MAGI2: variants seen among roughly 807,000 people sequenced by gnomAD.
MAGI2 encodes the protein membrane associated guanylate kinase, WW and PDZ domain containing 2.
In MAGI2, 35 loss-of-function variants were observed where a neutral mutation model predicts 133.3. The observed-to-expected ratio is 0.26, with a 90% CI of 0.20 to 0.35. MAGI2 has a LOEUF of 0.35. Among genes scored for constraint, MAGI2 ranks in the 10% least tolerant of loss-of-function variants. MAGI2 has a pLI of 1.00. For missense variants in MAGI2, 1,636 were observed against 1,863.4 expected (o/e 0.88, Z 2.25); for synonymous variants, 729 against 710.6 (o/e 1.03, Z -0.41).
At chr7:78,376,679 T>A (rs1794479384) in intron 6 of MAGI2, among the ~76,000 whole-genome samples, 1 of 152,118 alleles carries the variant, frequency 6.6e-6, no homozygotes, top group Non-Finnish European at 1.5e-5. Context: ...AAATATATAG[T>A]CAATAGTATT....
chr7:79,082,297 C>A (rs1443447062), intron 1 of MAGI2, among the ~76,000 whole-genome samples: 1 of 152,024 alleles, frequency 6.6e-6, no homozygotes, highest in African/African-American at 2.4e-5. Flanking sequence ...ATTGCCTAAT[C>A]CAAGGTCATA....
intron 2 of MAGI2, among the ~76,000 whole-genome samples, chr7:78,852,592 T>C (rs978800280): frequency 4.6e-5 from 7 of 152,166 alleles, no homozygotes; most frequent in Non-Finnish European, 8.8e-5. Flanking sequence ...TTTTTCCATA[T>C]GCAGAATCAT....
At position 79,124,356 on chromosome 7, in the gene MAGI2, A is replaced by T. The variant is rs377307173; in HGVS notation, c.302-117150T>A. On this transcript the variant is annotated intron_variant, in intron 1 of 21. Coordinates refer to ENST00000354212, the MANE Select transcript of MAGI2 (RefSeq NM_012301.4). Reference sequence around the variant, plus strand: ...CTTTAACATACAACATTAAAATTTCATTGCTCATGTACTCAAATATATTAT... The same window carrying T: ...CTTTAACATACAACATTAAAATTTCTTTGCTCATGTACTCAAATATATTAT... Among the ~76,000 whole-genome samples, 11 of 152,300 alleles carry T rather than the reference A, an allele frequency of 7.2e-5. No homozygotes were observed. In the East Asian group the frequency reaches 1.9e-3, roughly 27 times the overall value.
intron 1 of MAGI2, among the ~76,000 whole-genome samples, chr7:79,166,089 A>G (rs1470756305): frequency 6.6e-6 from 1 of 152,138 alleles, no homozygotes; most frequent in Non-Finnish European, 1.5e-5. Context: ...CTTACCAAGT[A>G]TATAACCTAG....
intron 1 of MAGI2, among the ~76,000 whole-genome samples, chr7:79,140,091 C>CA (rs1354931943): frequency 6.6e-6 from 1 of 152,154 alleles, no homozygotes; most frequent in Admixed American, 6.5e-5. Context: ...CCTTCGAGAC[C>CA]ATTAAGATTT....
In MAGI2 at chr7:79,053,281, T is replaced by C. The variant is rs1381951583; in HGVS notation, c.302-46075A>G. ...AGCCACCCCACCCGGCTGCTATTCTTATATACTGTGATACTATTTGATGTA... is the reference window on the plus strand; with the variant it reads ...AGCCACCCCACCCGGCTGCTATTCTCATATACTGTGATACTATTTGATGTA... On this transcript the variant is annotated intron_variant, in intron 1 of 21. Transcript: ENST00000354212. Among the ~76,000 whole-genome samples the C allele has an allele frequency of 2.6e-5, 4 of 152,190 alleles. No individual in the cohort carries two copies. In the East Asian group the frequency reaches 5.8e-4, roughly 22 times the overall value.
intron 1 of MAGI2, among the ~76,000 whole-genome samples, chr7:79,373,194 AC>A (rs574585227): frequency 1.1e-4 from 16 of 152,060 alleles, no homozygotes; most frequent in Non-Finnish European, 2.1e-4. Flanking sequence ...AATAAGTGGT[AC>A]TAATATTATT....
At chr7:78,108,704 ATGTGAGTGTATATATG>A in intron 20 of MAGI2, among the ~76,000 whole-genome samples, 1 of 120,588 alleles carries the variant, frequency 8.3e-6, no homozygotes, top group South Asian at 2.9e-4. Flanking sequence ...ACACACACAT[ATGTGAGTGTATATATG>A]TGTGTGTATA....
chr7:79,071,379 C>G (rs1221754359), intron 1 of MAGI2, among the ~76,000 whole-genome samples: 2 of 152,014 alleles, frequency 1.3e-5, no homozygotes, highest in Non-Finnish European at 2.9e-5. Flanking sequence ...TATGAGGTGT[C>G]TGTTGGCCCC....
intron 1 of MAGI2, among the ~76,000 whole-genome samples, chr7:79,175,555 G>A (rs1345399419): frequency 2.0e-5 from 3 of 151,900 alleles, no homozygotes; most frequent in Non-Finnish European, 4.4e-5. Context: ...GCAGTCATGT[G>A]TCATTTAATG....
intron 1 of MAGI2, among the ~76,000 whole-genome samples, chr7:79,322,811 A>G (rs945781901): frequency 6.7e-6 from 1 of 148,900 alleles, no homozygotes; most frequent in African/African-American, 2.5e-5. Context: ...AAAAAGAAAA[A>G]GAAGTCCTAT....
intron 3 of MAGI2, among the ~76,000 whole-genome samples, chr7:78,609,173 C>T (rs1326380879): frequency 6.6e-6 from 1 of 152,138 alleles, no homozygotes. Context: ...TTCCCCAGCC[C>T]ACTGACTCAA....
chr7:78,884,177 C>T (rs1752711000), intron 2 of MAGI2, among the ~76,000 whole-genome samples: 1 of 152,070 alleles, frequency 6.6e-6, no homozygotes, highest in South Asian at 2.1e-4. Context: ...CCAATAACCC[C>T]ATTAAAAGTG....
chr7:79,294,773 G>T (rs1047244547), intron 1 of MAGI2, among the ~76,000 whole-genome samples: 1 of 115,112 alleles, frequency 8.7e-6, no homozygotes, highest in Non-Finnish European at 1.6e-5. Flanking sequence ...TCTGTTACTC[G>T]GGCTGGAGTG....
intron 16 of MAGI2, among the ~76,000 whole-genome samples, chr7:78,159,057 C>A (rs1824689454): frequency 6.6e-6 from 1 of 152,136 alleles, no homozygotes; most frequent in Non-Finnish European, 1.5e-5. Context: ...CAGCACTCCC[C>A]ATTTCCCAAG....
Position 79,134,716 on chromosome 7 carries a change from G to C in MAGI2, c.302-127510C>G, listed in dbSNP as rs369633925. On this transcript the variant is annotated intron_variant, in intron 1 of 21. Transcript: ENST00000354212. ...ATTGCTTTGCAATCATCAATATTAA[G>C]ATTTAAGAAAAGCAAACAAGTAGAG... 8.5e-5 allele frequency among the ~76,000 whole-genome samples: 13 copies of C among 152,268 alleles called. No homozygotes were observed. The East Asian group carries it at 1.5e-3, about 18-fold the overall frequency.
chr7:78,917,614 G>A (rs763949174), intron 2 of MAGI2, among the ~76,000 whole-genome samples: 3 of 152,024 alleles, frequency 2.0e-5, no homozygotes, highest in African/African-American at 4.8e-5. Flanking sequence ...CAATCCTGAT[G>A]CTATCTACCT....
intron 20 of MAGI2, among the ~76,000 whole-genome samples, chr7:78,124,870 T>C (rs2150508320): frequency 6.6e-6 from 1 of 151,832 alleles, no homozygotes; most frequent in East Asian, 1.9e-4. Context: ...TCTTTTTTTT[T>C]TTTTTTTCTT....
intron 3 of MAGI2, among the ~76,000 whole-genome samples, chr7:78,553,279 C>T (rs1037669136): frequency 6.6e-6 from 1 of 151,982 alleles, no homozygotes; most frequent in African/African-American, 2.4e-5. Flanking sequence ...ATGATCACAA[C>T]CCAGTTAATC....
Sources: allele counts gnomAD v4.1 joint callset (sites outside exome capture counted in the v4.1 genomes callset), GRCh38; gene constraint gnomAD v4.1.1; transcripts MANE v1.5; gene names NCBI Gene and HGNC (gene_info 2026-07-23, HGNC 2026-07-21).